Variants in CNTNAP5 observed in about 807,000 individuals in gnomAD.
CNTNAP5 encodes the protein contactin associated protein family member 5.
In CNTNAP5, 72 loss-of-function variants were observed where a neutral mutation model predicts 150.2. The ratio of observed to expected loss-of-function variants is 0.48; its 90% CI spans 0.40 to 0.58. CNTNAP5 has a LOEUF of 0.58. Among genes scored for constraint, CNTNAP5 ranks in the 20% least tolerant of loss-of-function variants. CNTNAP5 has a pLI of 0.00. For synonymous variants in CNTNAP5, 672 were observed against 619.8 expected, an observed-to-expected ratio of 1.08 and a Z score of -1.25; for missense variants, 1,636 against 1,626.2, an observed-to-expected ratio of 1.01 and a Z score of -0.10.
At chr2:124,664,770 T>C (rs1332129951) in intron 13 of CNTNAP5, among the ~76,000 whole-genome samples, 1 of 152,238 alleles carries the variant, frequency 6.6e-6, no homozygotes, top group Non-Finnish European at 1.5e-5. Flanking sequence ...CACTGCAACT[T>C]CTGCCTCCCA....
chr2:124,646,016 C>A (rs576003106), intron 12 of CNTNAP5, among the ~76,000 whole-genome samples: 1 of 152,176 alleles, frequency 6.6e-6, no homozygotes. Flanking sequence ...AAACACCTCC[C>A]TCCAGGTCCC....
At chr2:124,473,516 G>A (rs532327185) in intron 6 of CNTNAP5, among the ~76,000 whole-genome samples, 2 of 152,058 alleles carry the variant, frequency 1.3e-5, no homozygotes, top group East Asian at 1.9e-4. Flanking sequence ...TTACTAGTGT[G>A]AAGCTTGTAA....
chr2:124,851,198 C>T (rs1164887532), intron 19 of CNTNAP5, among the ~76,000 whole-genome samples: 5 of 152,132 alleles, frequency 3.3e-5, no homozygotes, highest in Admixed American at 3.3e-4. Context: ...AACCCCATCT[C>T]TACAAAAATC....
At chr2:124,486,381 ATC>A (rs1693881400) in intron 7 of CNTNAP5, among the ~76,000 whole-genome samples, 1 of 152,332 alleles carries the variant, frequency 6.6e-6, no homozygotes, top group South Asian at 2.1e-4. Flanking sequence ...GTCCATCAAT[ATC>A]TCAGAAATCA....
intron 12 of CNTNAP5, among the ~76,000 whole-genome samples, chr2:124,641,758 G>T (rs1483377218): frequency 6.6e-6 from 1 of 152,164 alleles, no homozygotes; most frequent in Non-Finnish European, 1.5e-5. Context: ...GTTCAATTAA[G>T]CTGGGTATTG....
chr2:124,203,941 A>T (rs1685797352), intron 1 of CNTNAP5, among the ~76,000 whole-genome samples: 1 of 152,172 alleles, frequency 6.6e-6, no homozygotes, highest in African/African-American at 2.4e-5. Context: ...TACTTATGCA[A>T]ATTTCTGCAG....
intron 8 of CNTNAP5, among the ~76,000 whole-genome samples, chr2:124,521,197 T>G (rs2104883118): frequency 6.6e-6 from 1 of 152,268 alleles, no homozygotes; most frequent in African/African-American, 2.4e-5. Flanking sequence ...CCCAGAAATC[T>G]GACTTAATTA....
intron 10 of CNTNAP5, among the ~76,000 whole-genome samples, chr2:124,558,432 T>TTTGG (rs11273535): frequency 2.6e-5 from 4 of 151,912 alleles, no homozygotes; most frequent in African/African-American, 9.7e-5. Context: ...GATTGGAAAG[T>TTTGG]AATATCTATT....
At chr2:124,795,195 T>C (rs1054394720) in intron 18 of CNTNAP5, among the ~76,000 whole-genome samples, 3 of 152,200 alleles carry the variant, frequency 2.0e-5, no homozygotes, top group Admixed American at 1.3e-4. Context: ...GAATTCATCC[T>C]GATTTATATT....
chr2:124,570,512 A>G (rs563679310), intron 11 of CNTNAP5, among the ~76,000 whole-genome samples: 1 of 152,288 alleles, frequency 6.6e-6, no homozygotes, highest in Admixed American at 6.5e-5. Flanking sequence ...ATGAATTGAG[A>G]AGGAACTTAC....
chr2:124,146,605 G>A (rs1480825392), intron 1 of CNTNAP5, among the ~76,000 whole-genome samples: 1 of 151,990 alleles, frequency 6.6e-6, no homozygotes, highest in Non-Finnish European at 1.5e-5. Context: ...TTATGAAGCT[G>A]TTAAAATTTC....
intron 7 of CNTNAP5, among the ~76,000 whole-genome samples, chr2:124,500,999 T>G (rs1351122001): frequency 2.0e-5 from 3 of 152,212 alleles, no homozygotes; most frequent in Admixed American, 2.0e-4. Context: ...CCCAAGGATT[T>G]CCTTCCTTCC....
At chr2:124,175,368 G>A (rs561704096) in intron 1 of CNTNAP5, among the ~76,000 whole-genome samples, 122 of 152,156 alleles carry the variant, frequency 8.0e-4, no homozygotes, top group African/African-American at 2.7e-3. Context: ...TATTTTTAAT[G>A]GCTTTTATAC....
intron 3 of CNTNAP5, among the ~76,000 whole-genome samples, chr2:124,262,013 G>A (rs1224863654): frequency 6.6e-6 from 1 of 152,114 alleles, no homozygotes; most frequent in Non-Finnish European, 1.5e-5. Flanking sequence ...AGAGGCTGAG[G>A]CAGGAGGATC....
chr2:124,579,381 A>C (rs754509523), intron 11 of CNTNAP5, among the ~76,000 whole-genome samples: 1 of 152,254 alleles, frequency 6.6e-6, no homozygotes, highest in Non-Finnish European at 1.5e-5. Context: ...CTGGATAAAC[A>C]GAAAAGTATC....
Position 124,504,317 on chromosome 2 carries a change from A to G in CNTNAP5, c.1088A>G (p.Glu363Gly). The change falls in exon 8 of 24, where the codon GAA (glutamate) becomes GGA (glycine). Residue 363 changes from glutamate (E) to glycine (G), a missense_variant. Physicochemically the swap from Glu to Gly is moderately conservative, Grantham distance 98. Coordinates refer to ENST00000682447, the MANE Select transcript of CNTNAP5 (RefSeq NM_001367498.1). The part of the protein sequence containing the change: ...TVGNVTFSCS[E>G]PQIVPITFVN... ...GGCAATGTCACTTTTTCCTGCTCCG[A>G]ACCACAGATTGTGCCCATCACATTT... 3.1e-6 allele frequency: 5 copies of G among 1,613,584 alleles called. No individual in the cohort carries two copies. Among genetic ancestry groups the G allele is most frequent in the Non-Finnish European group, 4.2e-6 (5 of 1,179,562 alleles).
rs1457142709 is a variant in CNTNAP5, at chr2:124,632,156, G to T, written c.1877-15602G>T. Among the ~76,000 whole-genome samples the T allele has an allele frequency of 2.6e-5, 4 of 152,060 alleles. No homozygotes were observed. The South Asian group carries it at 8.3e-4, about 32-fold the overall frequency. On this transcript the variant is annotated intron_variant, in intron 12 of 23. Transcript: ENST00000682447. Reference sequence around the variant, plus strand: ...CAAGACAGTGTGGCAATTCCTCAAAGACTTAGAACTGGAAATACCATTTGA... The same window carrying T: ...CAAGACAGTGTGGCAATTCCTCAAATACTTAGAACTGGAAATACCATTTGA...
At chr2:124,523,223 G>A (rs900595969) in intron 8 of CNTNAP5, among the ~76,000 whole-genome samples, 3 of 152,252 alleles carry the variant, frequency 2.0e-5, no homozygotes, top group Non-Finnish European at 1.5e-5. Flanking sequence ...ACTAACTGGC[G>A]TAATTCTCAC....
At chr2:124,096,519 C>T (rs943338367) in intron 1 of CNTNAP5, among the ~76,000 whole-genome samples, 1 of 152,086 alleles carries the variant, frequency 6.6e-6, no homozygotes, top group Non-Finnish European at 1.5e-5. Context: ...TATTCTATGA[C>T]ACAAACTCCC....
Sources: gnomAD v4.1 joint callset for allele counts (sites outside exome capture counted in the v4.1 genomes callset) on GRCh38, gnomAD v4.1.1 for gene constraint, MANE v1.5 for transcripts, NCBI Gene and HGNC (gene_info 2026-07-23, HGNC 2026-07-21) for gene names.